CRK: variants seen among roughly 807,000 people sequenced by gnomAD.
CRK encodes the protein adapter molecule crk.
CRK carries 4 observed loss-of-function variants against 29.8 expected under a neutral mutation model. The ratio of observed to expected loss-of-function variants is 0.13; its 90% confidence interval spans 0.07 to 0.31. The LOEUF is 0.31. Among genes scored for constraint, CRK ranks in the 10% least tolerant of loss-of-function variants. CRK has a pLI of 1.00. For synonymous variants in CRK, 153 were observed against 164.9 expected, an observed-to-expected ratio of 0.93 and a Z score of 0.55; for missense variants, 274 against 396.5, an observed-to-expected ratio of 0.69 and a Z score of 2.62.
intron 1 of CRK, among the ~76,000 whole-genome samples, chr17:1,437,865 C>T (rs1351806893): frequency 3.3e-5 from 5 of 150,318 alleles, no homozygotes; most frequent in Non-Finnish European, 7.4e-5. Flanking sequence ...GGGGTTTCAC[C>T]ATGTTGGCCA....
chr17:1,426,740 G>A (rs2073782406), intron 2 of CRK, among the ~76,000 whole-genome samples: 1 of 152,194 alleles, frequency 6.6e-6, no homozygotes, highest in South Asian at 2.1e-4. Flanking sequence ...GCAGGCGCCT[G>A]TAATCCCAGC....
Position 1,421,318 on chromosome 17 carries a change from A to G in CRK, c.*2195T>C, listed in dbSNP as rs550823171. ...AAAAGAAAATAGGAACATTCAAATC[A>G]GTTGTGACAAGGTTTTTCTACAAGT... On this transcript the variant is annotated 3_prime_UTR_variant, in exon 3 of 3. Coordinates refer to ENST00000300574, the MANE Select transcript of CRK (RefSeq NM_016823.4). 1 of 152,354 alleles carries G rather than the reference A, an allele frequency of 6.6e-6. No individual in the cohort carries two copies. Among genetic ancestry groups the G allele is most frequent in the East Asian group, 1.9e-4 (1 of 5,194 alleles). 9.4% of individuals were successfully genotyped at this position (152,354 alleles called of 1,614,324 possible).
intron 2 of CRK, among the ~76,000 whole-genome samples, chr17:1,425,659 A>G (rs1468283092): frequency 1.3e-5 from 2 of 152,246 alleles, no homozygotes; most frequent in Non-Finnish European, 2.9e-5. Context: ...CTAAAAATGT[A>G]CGCAGGCACA....
intron 2 of CRK, among the ~76,000 whole-genome samples, chr17:1,434,365 C>G (rs1029250019): frequency 9.9e-5 from 15 of 152,112 alleles, no homozygotes; most frequent in African/African-American, 3.1e-4. Context: ...TAGGCCTTAC[C>G]CTGGTTCTGG....
At chr17:1,454,942 TAG>T (rs1301964667) in intron 1 of CRK, among the ~76,000 whole-genome samples, 1 of 152,174 alleles carries the variant, frequency 6.6e-6, no homozygotes, top group Non-Finnish European at 1.5e-5. Context: ...GTTCTTGGCG[TAG>T]AGTCTGTTCC....
At chr17:1,449,971 G>C (rs1425696595) in intron 1 of CRK, among the ~76,000 whole-genome samples, 5 of 152,196 alleles carry the variant, frequency 3.3e-5, no homozygotes, top group Non-Finnish European at 2.9e-5. Flanking sequence ...GGTCAAGGCA[G>C]GTGGATTACT....
intron 1 of CRK, among the ~76,000 whole-genome samples, chr17:1,447,883 C>G (rs1307944271): frequency 6.6e-6 from 1 of 152,144 alleles, no homozygotes; most frequent in Non-Finnish European, 1.5e-5. Context: ...TCCCAAAGTG[C>G]TGGGATTACA....
chr17:1,433,664 G>GC (rs2150904310), intron 2 of CRK, among the ~76,000 whole-genome samples: 1 of 151,330 alleles, frequency 6.6e-6, no homozygotes, highest in South Asian at 2.1e-4. Context: ...AATTACAGGC[G>GC]CCCACCACCA....
chr17:1,456,169 G>T lies in CRK; in HGVS notation c.-52C>A. On this transcript the variant is annotated 5_prime_UTR_variant, in exon 1 of 3. Coordinates refer to ENST00000300574, the MANE Select transcript of CRK (RefSeq NM_016823.4). The stretch of plus-strand genomic sequence containing the variant: ...GTGCCGCCGCCGCGCGCGCCCCTCC[G>T]GCCCCCGGCGCCCGCCGCCCAGCGG... The T allele has an allele frequency of 7.2e-7, 1 of 1,391,618 alleles. No homozygotes were observed. The highest frequency in any genetic ancestry group is 9.3e-7 in the Non-Finnish European group (1 of 1,077,096). The allele number at this position is 1,391,618 out of a possible 1,614,324, so 86.2% of individuals were successfully genotyped here.
intron 1 of CRK, among the ~76,000 whole-genome samples, chr17:1,443,881 T>C (rs2073954041): frequency 6.7e-6 from 1 of 150,100 alleles, no homozygotes; most frequent in Admixed American, 6.7e-5. Context: ...TTTGTATTTT[T>C]AGTAGAGATG....
chr17:1,423,746 T>C, intron 2 of CRK, 96 bp from the exon 3 acceptor site: 1 of 1,468,136 alleles, frequency 6.8e-7, no homozygotes, highest in Non-Finnish European at 9.3e-7. Flanking sequence ...CCCATGTGAC[T>C]GCTCTAGGGA....
chr17:1,437,060 T>C lies in CRK; in HGVS notation c.337A>G (p.Thr113Ala), dbSNP rs1343545080. ...GATCTGGAAACTGGTTCTATCAACG[T>C]TGTAGTGTCCAAATAGTGTATTTTG... ...FYKIHYLDTTTLIEPVSRSRQ... is the reference protein window; with the variant it reads ...FYKIHYLDTTALIEPVSRSRQ... The change falls in exon 2 of 3, where the codon ACG becomes GCG. Residue 113 changes from threonine to alanine, a missense_variant. Coordinates refer to ENST00000300574, the MANE Select transcript of CRK (RefSeq NM_016823.4). 5.0e-6 allele frequency: 8 copies of C among 1,614,068 alleles called. No homozygotes were observed. Among genetic ancestry groups the C allele is most frequent in the South Asian group, 2.2e-5 (2 of 91,082 alleles).
At chr17:1,449,122 C>T (rs1413333101) in intron 1 of CRK, among the ~76,000 whole-genome samples, 1 of 152,156 alleles carries the variant, frequency 6.6e-6, no homozygotes, top group Non-Finnish European at 1.5e-5. Flanking sequence ...ACCACCCTAG[C>T]TTCTGTCCCA....
intron 2 of CRK, among the ~76,000 whole-genome samples, chr17:1,432,214 C>T (rs1043555370): frequency 2.6e-5 from 4 of 152,056 alleles, no homozygotes; most frequent in Non-Finnish European, 5.9e-5. Flanking sequence ...ATAGGCCAGG[C>T]GGGGTGGCTC....
At chr17:1,430,842 T>C (rs12949843) in intron 2 of CRK, among the ~76,000 whole-genome samples, 2,076 of 150,814 alleles carry the variant, frequency 0.014, 22 homozygotes, top group South Asian at 0.035. Flanking sequence ...CCGAGGTGGG[T>C]GGATCACGAG....
chr17:1,449,028 C>T (rs565817605), intron 1 of CRK, among the ~76,000 whole-genome samples: 61 of 152,276 alleles, frequency 4.0e-4, no homozygotes, highest in African/African-American at 1.5e-3. Flanking sequence ...TCAGCAGTCT[C>T]ACGCTACCTC....
intron 1 of CRK, among the ~76,000 whole-genome samples, chr17:1,448,074 G>A (rs1246997432): frequency 2.0e-5 from 3 of 151,838 alleles, no homozygotes; most frequent in South Asian, 4.2e-4. Flanking sequence ...CCCGGGAGGC[G>A]GAACTTGCAG....
chr17:1,428,117 A>C (rs900543074), intron 2 of CRK, among the ~76,000 whole-genome samples: 18 of 136,388 alleles, frequency 1.3e-4, no homozygotes, highest in Non-Finnish European at 2.3e-4. Context: ...TTTCTTTCAG[A>C]CTTTTTTTTT....
At chr17:1,438,100 A>G (rs988370397) in intron 1 of CRK, among the ~76,000 whole-genome samples, 1 of 151,944 alleles carries the variant, frequency 6.6e-6, no homozygotes, top group African/African-American at 2.4e-5. Context: ...TAGAATGTAT[A>G]ATTCCGAAGA....
Sources: gnomAD v4.1 joint callset for allele counts (sites outside exome capture counted in the v4.1 genomes callset) on GRCh38, gnomAD v4.1.1 for gene constraint, MANE v1.5 for transcripts, NCBI Gene and HGNC (gene_info 2026-07-23, HGNC 2026-07-21) for gene names.